Variants in SULT2B1 observed in about 807,000 individuals in gnomAD.
The protein encoded by SULT2B1 is sulfotransferase 2B1.
SULT2B1 carries 16 observed loss-of-function variants against 33.2 expected under a neutral mutation model. That is an observed-to-expected ratio of 0.48 (90% CI 0.33 to 0.73). The LOEUF is 0.73. SULT2B1 is among the 30% of genes least tolerant of loss of function. SULT2B1 has a pLI of 0.02. For synonymous variants in SULT2B1, 186 were observed against 200.5 expected (o/e 0.93, Z 0.61); for missense variants, 500 against 506.0 (o/e 0.99, Z 0.11).
intron 2 of SULT2B1, among the ~76,000 whole-genome samples, chr19:48,579,605 C>CTTTCTTTCTTTTTTTTTTTTTT (rs71179013): frequency 1.3e-5 from 1 of 79,736 alleles, no homozygotes; most frequent in Admixed American, 1.7e-4. Flanking sequence ...TTCTTTCTTT[C>CTTTCTTTCTTTTTTTTTTTTTT]TTTTTTTTTT....
intron 1 of SULT2B1, among the ~76,000 whole-genome samples, chr19:48,573,185 CA>C (rs1169518946): frequency 5.3e-5 from 8 of 150,956 alleles, no homozygotes; most frequent in Admixed American, 4.0e-4. Context: ...TTTACATGTC[CA>C]GGGGGCTTGC....
chr19:48,576,058 C>G lies in SULT2B1; in HGVS notation c.189C>G (p.Ile63Met), dbSNP rs1051070889. The G allele has an allele frequency of 1.3e-5, 21 of 1,613,070 alleles. No individual in the cohort carries two copies. Among genetic ancestry groups the G allele is most frequent in the Non-Finnish European group, 1.8e-5 (21 of 1,179,656 alleles). Residue 63 changes from isoleucine to methionine, a missense_variant, in exon 2 of 7, where the codon ATC becomes ATG. Transcript: ENST00000201586. ...ENTQDVRDDD[I>M]FIITYPKSGT... ...CCCAAGATGTGCGGGACGACGACAT[C>G]TTTATCATCACCTACCCCAAGTCAG...
At chr19:48,574,747 G>A (rs1291137159) in intron 1 of SULT2B1, among the ~76,000 whole-genome samples, 3 of 152,192 alleles carry the variant, frequency 2.0e-5, no homozygotes, top group Non-Finnish European at 2.9e-5. Context: ...GCACAGAAAG[G>A]ACAAGTAGGA....
At chr19:48,559,303 G>A (rs533254234) in intron 1 of SULT2B1, among the ~76,000 whole-genome samples, 1 of 152,228 alleles carries the variant, frequency 6.6e-6, no homozygotes, top group African/African-American at 2.4e-5. Context: ...CAGAGGAAAG[G>A]TTGGAAGTGG....
chr19:48,589,115 G>A (rs1973608394), intron 3 of SULT2B1, among the ~76,000 whole-genome samples: 1 of 152,218 alleles, frequency 6.6e-6, no homozygotes, highest in African/African-American at 2.4e-5. Flanking sequence ...AAGCCGGGAA[G>A]CCCGAGAGGC....
In SULT2B1 at chr19:48,599,387, C is replaced by G. The variant is rs763659919; in HGVS notation, c.1079C>G (p.Pro360Arg). The change falls in exon 7 of 7, where the codon CCG (proline) becomes CGG (arginine). Residue 360 changes from proline to arginine, a missense_variant. Transcript: ENST00000201586. The surrounding 1 kb of genome is among the most constrained non-coding windows in gnomAD (Gnocchi z 4.1). ...SPSPGQASETPHPRPS is the reference protein window; with the variant it reads ...SPSPGQASETRHPRPS ...AGCCCCGGCCAGGCCTCTGAGACCCCGCACCCACGACCCTCATAATAAACA... is the reference window on the plus strand; with the variant it reads ...AGCCCCGGCCAGGCCTCTGAGACCCGGCACCCACGACCCTCATAATAAACA... The G allele has an allele frequency of 1.7e-5, 26 of 1,555,998 alleles. No homozygotes were observed. Among genetic ancestry groups the G allele is most frequent in the Non-Finnish European group, 2.1e-5 (24 of 1,150,002 alleles).
intron 2 of SULT2B1, 110 bp downstream of exon 2, chr19:48,576,193 T>C: frequency 9.6e-7 from 1 of 1,045,492 alleles, no homozygotes; most frequent in South Asian, 1.5e-5. Context: ...TGGGGCCGGG[T>C]CTGTTCAGAG....
At chr19:48,580,725 C>T (rs1174922853) in intron 2 of SULT2B1, among the ~76,000 whole-genome samples, 2 of 152,102 alleles carry the variant, frequency 1.3e-5, no homozygotes, top group Middle Eastern at 3.4e-3. Flanking sequence ...ACTGCAACCT[C>T]GAACTCCTGG....
In SULT2B1 at chr19:48,552,437, C is replaced by T; in HGVS notation, c.71+114C>T. 5.2e-6 allele frequency: 6 copies of T among 1,162,968 alleles called. No individual in the cohort carries two copies. In the South Asian group the frequency reaches 8.4e-5, roughly 16 times the overall value. The allele number at this position is 1,162,968 out of a possible 1,614,324, so 72.0% of individuals were successfully genotyped here. ...CAGCCACCCGCAGCCGCAGGCCTGG[C>T]CCAGACTTAGCTGGAGGGGCTGGGC... On this transcript the variant is annotated intron_variant, in intron 1 of 6. Coordinates refer to ENST00000201586, the MANE Select transcript of SULT2B1 (RefSeq NM_177973.2). This position sits in a 1 kb window ranked among gnomAD's most constrained non-coding sequence, Gnocchi z 4.8.
chr19:48,569,206 G>A (rs1355069898), intron 1 of SULT2B1, among the ~76,000 whole-genome samples: 1 of 151,472 alleles, frequency 6.6e-6, no homozygotes, highest in African/African-American at 2.4e-5. Flanking sequence ...GCAGGGCGTG[G>A]TGGCGGGCGC....
chr19:48,591,235 G>C (rs543255971), intron 3 of SULT2B1: 1 of 170,334 alleles, frequency 5.9e-6, no homozygotes, highest in African/African-American at 2.4e-5. Flanking sequence ...CTCTAGGAAC[G>C]TGTAAGACCT....
In SULT2B1 at chr19:48,598,846, G is replaced by C. The variant is rs570149033; in HGVS notation, c.827-289G>C. On this transcript the variant is annotated intron_variant, in intron 6 of 6. Coordinates refer to ENST00000201586, the MANE Select transcript of SULT2B1 (RefSeq NM_177973.2). ...GCAGGAATTCAGGGTTGGAGGCAGA[G>C]GTTCTGGGCAGAGACTTAAAGGGTC... Among the ~76,000 whole-genome samples the C allele has an allele frequency of 2.6e-5, 4 of 152,140 alleles. No individual in the cohort carries two copies. In the East Asian group the frequency reaches 7.7e-4, roughly 29 times the overall value.
chr19:48,556,480 C>G (rs34373168), intron 1 of SULT2B1, among the ~76,000 whole-genome samples: 13,588 of 151,808 alleles, frequency 0.09, 1,348 homozygotes, highest in African/African-American at 0.24. Context: ...CACAGGGACA[C>G]AGGTGGCTTC....
chr19:48,592,861 C>T, intron 5 of SULT2B1, 45 bp downstream of exon 5: 1 of 1,488,164 alleles, frequency 6.7e-7, no homozygotes. Context: ...CCCATACCCT[C>T]TGCTCACACC....
At chr19:48,555,425 G>A (rs577181884) in intron 1 of SULT2B1, among the ~76,000 whole-genome samples, 6 of 152,114 alleles carry the variant, frequency 3.9e-5, no homozygotes, top group South Asian at 2.1e-4. Context: ...CCCTGGCCAC[G>A]CTTGTTCCCT....
chr19:48,555,669 G>T (rs1390528108), intron 1 of SULT2B1, among the ~76,000 whole-genome samples: 1 of 150,914 alleles, frequency 6.6e-6, no homozygotes, highest in Non-Finnish European at 1.5e-5. Context: ...CTGCCTTCTG[G>T]ATTCAAGTGA....
At chr19:48,579,607 T>TC (rs1321499240) in intron 2 of SULT2B1, among the ~76,000 whole-genome samples, 1 of 117,334 alleles carries the variant, frequency 8.5e-6, no homozygotes, top group African/African-American at 3.4e-5. Flanking sequence ...CTTTCTTTCT[T>TC]TTTTTTTTTT....
At chr19:48,565,707 A>G (rs1157320991) in intron 1 of SULT2B1, among the ~76,000 whole-genome samples, 2 of 151,890 alleles carry the variant, frequency 1.3e-5, no homozygotes, top group African/African-American at 4.8e-5. Context: ...GTTTGTTTTA[A>G]TAGAAGTTTA....
chr19:48,593,424 T>G (rs1973669506), intron 5 of SULT2B1, among the ~76,000 whole-genome samples: 1 of 151,528 alleles, frequency 6.6e-6, no homozygotes, highest in Non-Finnish European at 1.5e-5. Flanking sequence ...CAGTGGCACA[T>G]GCCTGTAGTC....
Sources: gnomAD v4.1 joint callset for allele counts (sites outside exome capture counted in the v4.1 genomes callset) on GRCh38, gnomAD v4.1.1 for gene constraint, Gnocchi (gnomAD v3.1) non-coding constraint, MANE v1.5 for transcripts, NCBI Gene and HGNC (gene_info 2026-07-23, HGNC 2026-07-21) for gene names.